ADAMTS6: variants seen among roughly 807,000 people sequenced by gnomAD.
The protein encoded by ADAMTS6 is A disintegrin and metalloproteinase with thrombospondin motifs 6.
ADAMTS6 carries 23 observed loss-of-function variants against 144.3 expected under a neutral mutation model. The observed-to-expected ratio is 0.16, with a 90% CI of 0.11 to 0.23. The LOEUF (loss-of-function observed/expected upper bound fraction) is 0.23. ADAMTS6 is among the 10% of genes least tolerant of loss of function. The pLI, the probability that ADAMTS6 is intolerant of heterozygous loss-of-function variation, is 1.00. For missense variants in ADAMTS6, 999 were observed against 1,379.6 expected, an observed-to-expected ratio of 0.72 and a Z score of 4.37; for synonymous variants, 444 against 457.5, an observed-to-expected ratio of 0.97 and a Z score of 0.38.
In ADAMTS6 at chr5:65,260,630, T is replaced by C; in HGVS notation, c.1800A>G (p.Glu600=). ...TGTTACAGGAGCGATACCGTTTCCT[T>C]TCCCCAAGGCAATATTTTCCACCTC... ...PSGGGKYCLG[E]RKRYRSCNTD... is the part of the protein sequence containing the mutation. Residue 600 remains glutamate (E), a synonymous_variant, in exon 14 of 25, where the codon GAA becomes GAG. Coordinates refer to ENST00000381055, the MANE Select transcript of ADAMTS6 (RefSeq NM_197941.4). 3.7e-6 allele frequency: 6 copies of C among 1,613,636 alleles called. No homozygotes were observed. The highest frequency in any genetic ancestry group is 5.1e-6 in the Non-Finnish European group (6 of 1,179,782).
chr5:65,287,599 C>T (rs957871845), intron 11 of ADAMTS6, among the ~76,000 whole-genome samples: 1 of 152,122 alleles, frequency 6.6e-6, no homozygotes, highest in African/African-American at 2.4e-5. Context: ...GGCACAATCT[C>T]AGCTCACTGC....
intron 9 of ADAMTS6, among the ~76,000 whole-genome samples, chr5:65,325,510 G>A (rs1493462): frequency 0.98 from 147,450 of 150,456 alleles, 72,268 homozygotes; most frequent in African/African-American, 0.99. Flanking sequence ...TTTTTTTTTA[G>A]ACAGGGTCTT....
chr5:65,265,690 T>C (rs947642507), intron 12 of ADAMTS6, among the ~76,000 whole-genome samples: 1 of 151,940 alleles, frequency 6.6e-6, no homozygotes, highest in Non-Finnish European at 1.5e-5. Flanking sequence ...TCAAATAACA[T>C]TAAAGCTTGA....
intron 7 of ADAMTS6, among the ~76,000 whole-genome samples, chr5:65,435,642 T>C (rs982172489): frequency 6.6e-6 from 1 of 152,144 alleles, no homozygotes; most frequent in East Asian, 1.9e-4. Context: ...ATTTTTTTTT[T>C]TGAGACAGAG....
intron 10 of ADAMTS6, among the ~76,000 whole-genome samples, chr5:65,295,480 C>T (rs925702253): frequency 1.1e-4 from 17 of 151,896 alleles, no homozygotes; most frequent in African/African-American, 3.6e-4. Context: ...TGGTGTAATA[C>T]GCAAATTTGT....
chr5:65,333,010 A>G (rs1160968579), intron 8 of ADAMTS6, among the ~76,000 whole-genome samples: 2 of 152,150 alleles, frequency 1.3e-5, no homozygotes, highest in African/African-American at 4.8e-5. Flanking sequence ...TTCCGAAGAG[A>G]TATTTCACTG....
intron 7 of ADAMTS6, among the ~76,000 whole-genome samples, chr5:65,335,580 A>G (rs1197850875): frequency 6.6e-6 from 1 of 152,122 alleles, no homozygotes; most frequent in Non-Finnish European, 1.5e-5. Flanking sequence ...TCCAAGTTCC[A>G]CAGTGCCCTT....
intron 10 of ADAMTS6, among the ~76,000 whole-genome samples, chr5:65,296,226 T>A (rs1431927342): frequency 1.3e-5 from 2 of 152,178 alleles, no homozygotes; most frequent in Non-Finnish European, 2.9e-5. Context: ...TTGGGCTGAT[T>A]CACATAAATT....
Position 65,469,697 on chromosome 5 carries a change from T to C in ADAMTS6, c.462+1081A>G, listed in dbSNP as rs140672153. Among the ~76,000 whole-genome samples the C allele has an allele frequency of 1.3e-3, 202 of 152,352 alleles. 2 individuals carry two copies. Among genetic ancestry groups the C allele is most frequent in the African/African-American group, 4.7e-3 (197 of 41,592 alleles). ...AGTAGACAATTGGAGCACATTCCTA[T>C]ATACATCTACAGTGAAATGTTTTCC... is the stretch of plus-strand genomic sequence containing the variant. On this transcript the variant is annotated intron_variant, in intron 3 of 24. Coordinates refer to ENST00000381055, the MANE Select transcript of ADAMTS6 (RefSeq NM_197941.4).
chr5:65,216,427 G>A (rs946846259), intron 18 of ADAMTS6, among the ~76,000 whole-genome samples: 1 of 151,202 alleles, frequency 6.6e-6, no homozygotes, highest in African/African-American at 2.4e-5. Context: ...GCCAGGGGAT[G>A]GGGAATGGGG....
chr5:65,313,018 G>A (rs1336074281), intron 9 of ADAMTS6, among the ~76,000 whole-genome samples: 9 of 151,994 alleles, frequency 5.9e-5, no homozygotes, highest in African/African-American at 2.2e-4. Flanking sequence ...AATGGTGTCT[G>A]CCTACAAATT....
At chr5:65,409,734 T>C (rs1459085768) in intron 7 of ADAMTS6, among the ~76,000 whole-genome samples, 1 of 152,194 alleles carries the variant, frequency 6.6e-6, no homozygotes, top group Non-Finnish European at 1.5e-5. Flanking sequence ...TGAACATCGA[T>C]GCAAAAATCC....
intron 4 of ADAMTS6, among the ~76,000 whole-genome samples, chr5:65,457,290 C>T (rs767763581): frequency 1.3e-5 from 2 of 151,978 alleles, no homozygotes; most frequent in Non-Finnish European, 2.9e-5. Flanking sequence ...ATAGTGGTCT[C>T]GGCAAGAGAT....
chr5:65,309,852 A>C (rs2112837089), intron 9 of ADAMTS6, among the ~76,000 whole-genome samples: 1 of 152,142 alleles, frequency 6.6e-6, no homozygotes, highest in South Asian at 2.1e-4. Flanking sequence ...CATGCCTATA[A>C]TCCCAGCACT....
At chr5:65,412,415 T>TGCACACAGGCACACAAACACACAC (rs1755125772) in intron 7 of ADAMTS6, among the ~76,000 whole-genome samples, 1 of 151,782 alleles carries the variant, frequency 6.6e-6, no homozygotes. Flanking sequence ...CATACACACA[T>TGCACACAGGCACACAAACACACAC]GCACACAGGC....
rs564412879 is a variant in ADAMTS6 at position 65,407,928 on chromosome 5, T to A, written c.1073+43547A>T. On this transcript the variant is annotated intron_variant, in intron 7 of 24. Coordinates refer to ENST00000381055, the MANE Select transcript of ADAMTS6 (RefSeq NM_197941.4). The stretch of plus-strand genomic sequence containing the variant: ...CATAAGTGAAGGAGAAATAAAATCC[T>A]TTACAGACAAGCAAATGCTGAGAGA... Among the ~76,000 whole-genome samples the A allele has an allele frequency of 1.4e-4, 22 of 152,232 alleles. No individual in the cohort carries two copies. The East Asian group carries it at 3.7e-3, about 25-fold the overall frequency.
At chr5:65,241,934 A>G (rs1490936558) in intron 15 of ADAMTS6, among the ~76,000 whole-genome samples, 170 bp downstream of exon 15, 2 of 152,190 alleles carry the variant, frequency 1.3e-5, no homozygotes, top group African/African-American at 4.8e-5. Flanking sequence ...TTACAGGGCA[A>G]ATAAACCATG....
intron 7 of ADAMTS6, among the ~76,000 whole-genome samples, chr5:65,359,944 C>A (rs75956499): frequency 6.6e-6 from 1 of 152,192 alleles, no homozygotes; most frequent in East Asian, 1.9e-4. Flanking sequence ...GTGACTATAG[C>A]TGATAATAAT....
intron 24 of ADAMTS6, among the ~76,000 whole-genome samples, chr5:65,152,515 C>T (rs1233186478): frequency 6.6e-6 from 1 of 152,218 alleles, no homozygotes; most frequent in Non-Finnish European, 1.5e-5. Context: ...GGGTTGGCCT[C>T]AAATGGCAGC....
Sources: gnomAD v4.1 joint callset for allele counts (sites outside exome capture counted in the v4.1 genomes callset) on GRCh38, gnomAD v4.1.1 for gene constraint, MANE v1.5 for transcripts, NCBI Gene and HGNC (gene_info 2026-07-23, HGNC 2026-07-21) for gene names.